The following SMC2 variants were observed in gnomAD, a reference collection of about 807,000 sequenced individuals.
The protein encoded by SMC2 is structural maintenance of chromosomes 2, also known as structural maintenance of chromosomes protein 2.
A neutral mutation model predicts 142.6 loss-of-function variants in SMC2; 41 were observed. That is an observed-to-expected ratio of 0.29 (90% confidence interval 0.22 to 0.37). The LOEUF is 0.37. Ranked by LOEUF, SMC2 falls within the 10% of genes least tolerant of loss-of-function variation. SMC2 has a pLI of 1.00. For missense variants in SMC2, 1,265 were observed against 1,373.7 expected (o/e 0.92, Z 1.25); for synonymous variants, 463 against 457.5 (o/e 1.01, Z -0.15).
chr9:104,114,170 C>A (rs1832825312), intron 12 of SMC2, 89 bp downstream of exon 12: 1 of 732,032 alleles, frequency 1.4e-6, no homozygotes, highest in Admixed American at 2.9e-5. Flanking sequence ...TTGTCGAAAC[C>A]AAGATTTTTG....
chr9:104,135,836 T>G (rs1835470741), intron 23 of SMC2: 1 of 518,608 alleles, frequency 1.9e-6, no homozygotes, highest in Non-Finnish European at 3.8e-6. Flanking sequence ...AGAAATATTC[T>G]TCAAATTGAA....
upstream of SMC2, among the ~76,000 whole-genome samples, chr9:104,089,511 G>T (rs1829961819): frequency 6.6e-6 from 1 of 151,994 alleles, no homozygotes; most frequent in Non-Finnish European, 1.5e-5. Context: ...TAAAAGAAGG[G>T]GTATGACAAA....
intron 2 of SMC2, 103 bp from the exon 3 acceptor site, chr9:104,096,045 A>C: frequency 1.0e-6 from 1 of 996,332 alleles, no homozygotes; most frequent in Non-Finnish European, 1.5e-6. Context: ...TACTTAATGG[A>C]CACTACGTTG....
intron 14 of SMC2, among the ~76,000 whole-genome samples, chr9:104,117,342 T>C (rs1833232775): frequency 6.6e-6 from 1 of 152,192 alleles, no homozygotes; most frequent in African/African-American, 2.4e-5. Context: ...AGAACAATAC[T>C]GAACATGTGT....
intron 14 of SMC2, 109 bp downstream of exon 14, chr9:104,116,428 A>G: frequency 9.6e-7 from 1 of 1,042,674 alleles, no homozygotes; most frequent in Non-Finnish European, 1.3e-6. Context: ...CACAAAATTA[A>G]AATACAAAAA....
intron 3 of SMC2, among the ~76,000 whole-genome samples, chr9:104,097,360 C>T (rs1384060305): frequency 2.0e-5 from 3 of 151,522 alleles, no homozygotes; most frequent in Non-Finnish European, 2.9e-5. Flanking sequence ...CCCGCCTTGG[C>T]CTCCCAAAGT....
At chr9:104,130,986 A>G (rs1437407338) in intron 21 of SMC2, among the ~76,000 whole-genome samples, 1 of 152,162 alleles carries the variant, frequency 6.6e-6, no homozygotes, top group East Asian at 1.9e-4. Flanking sequence ...TAAGATAAAA[A>G]TGTAGAGAGA....
intron 17 of SMC2, among the ~76,000 whole-genome samples, chr9:104,124,232 G>C (rs578009675): frequency 1.3e-5 from 2 of 152,056 alleles, no homozygotes; most frequent in Admixed American, 6.6e-5. Flanking sequence ...GACTACAGGC[G>C]TGCATCACCA....
chr9:104,126,129 G>A (rs1272665720), intron 18 of SMC2, among the ~76,000 whole-genome samples: 5 of 152,092 alleles, frequency 3.3e-5, no homozygotes, highest in Non-Finnish European at 7.4e-5. Flanking sequence ...AATCTAATGC[G>A]TGATGATCTG....
In SMC2 at chr9:104,124,862, C is replaced by A. The variant is rs7853812; in HGVS notation, c.2258-50C>A. The A allele has an allele frequency of 0.017, 24,338 of 1,422,824 alleles. 1,243 individuals carry two copies. The African/African-American group carries it at 0.18, about 11-fold the overall frequency. 88.1% of individuals were successfully genotyped at this position (1,422,824 alleles called of 1,614,324 possible). A position where few individuals can be genotyped will look rare whatever the true frequency, so the allele number is the denominator to read the frequency against. ...TTCTTCTATTAAAAGTTGAATTTGT[C>A]AACCTTTACCATTGTTAACTTAGCC... is the stretch of plus-strand genomic sequence containing the variant. On this transcript the variant is annotated intron_variant, in intron 17 of 24. Transcript: ENST00000374793.
At position 104,102,586 on chromosome 9, in the gene SMC2, A is replaced by G. The variant is rs1230462475; in HGVS notation, c.1020+13A>G. On this transcript the variant is annotated intron_variant, in intron 9 of 24. Coordinates refer to ENST00000374793, the MANE Select transcript of SMC2 (RefSeq NM_006444.3). ...AAATATGGTTGAGGTAAGTGAGCTT[A>G]ATGTGCCACTAGTGCCACTTGTAGA... 11 of 1,609,996 alleles carry G rather than the reference A, an allele frequency of 6.8e-6. No homozygotes were observed. The highest frequency in any genetic ancestry group is 9.3e-6 in the Non-Finnish European group (11 of 1,178,160).
At chr9:104,119,314 AC>A (rs1271866361) in intron 15 of SMC2, among the ~76,000 whole-genome samples, 1 of 152,056 alleles carries the variant, frequency 6.6e-6, no homozygotes, top group Non-Finnish European at 1.5e-5. Context: ...GAAATAAGTA[AC>A]CCCGTATTTT....
At chr9:104,114,913 G>A in intron 13 of SMC2, 84 bp downstream of exon 13, 2 of 1,154,094 alleles carry the variant, frequency 1.7e-6, no homozygotes, top group Admixed American at 2.5e-5. Flanking sequence ...ATACTTTGAT[G>A]TTTTAAGGCT....
chr9:104,135,044 A>C lies in SMC2; in HGVS notation c.3269+469A>C, dbSNP rs924052847. ...GTAGACACATCCTAAGAAACTGAAC[A>C]AATTTTTTGAAGGAACCAAACTGTT... On this transcript the variant is annotated intron_variant, in intron 23 of 24. Coordinates refer to ENST00000374793, the MANE Select transcript of SMC2 (RefSeq NM_006444.3). Among the ~76,000 whole-genome samples, 33 of 152,156 alleles carry C rather than the reference A, an allele frequency of 2.2e-4. 1 individual carries two copies. The highest frequency in any genetic ancestry group is 2.2e-3 in the Admixed American group (33 of 15,266).
chr9:104,106,656 G>T (rs1831824316), intron 9 of SMC2, among the ~76,000 whole-genome samples: 1 of 152,122 alleles, frequency 6.6e-6, no homozygotes, highest in Non-Finnish European at 1.5e-5. Flanking sequence ...GCCTCCCAAA[G>T]TGTTGGGATT....
chr9:104,112,937 C>T (rs1001991496), intron 10 of SMC2, among the ~76,000 whole-genome samples: 1 of 152,056 alleles, frequency 6.6e-6, no homozygotes, highest in Admixed American at 6.6e-5. Flanking sequence ...CAAATATATA[C>T]ACATACAAAT....
upstream of SMC2, among the ~76,000 whole-genome samples, chr9:104,090,054 G>A (rs1829966244): frequency 6.6e-6 from 1 of 152,176 alleles, no homozygotes; most frequent in Non-Finnish European, 1.5e-5. Context: ...GGAAGGCTCA[G>A]GAGGAGCAAA....
In SMC2 at chr9:104,127,422, A is replaced by G. The variant is rs1298081261; in HGVS notation, c.2732A>G (p.Lys911Arg). Residue 911 changes from lysine to arginine, a missense_variant, in exon 20 of 25, where the codon AAG becomes AGG. Lys to Arg is a conservative substitution (Grantham distance 26). Coordinates refer to ENST00000374793, the MANE Select transcript of SMC2 (RefSeq NM_006444.3). ...AACAATGATTCTCAGCTTAAAATTA[A>G]GGAATTAGACCACAACATCAGCAAA... ...EQNNDSQLKIKELDHNISKHK... is the reference protein window; with the variant it reads ...EQNNDSQLKIRELDHNISKHK... 1 of 1,613,774 alleles carries G rather than the reference A, an allele frequency of 6.2e-7. No homozygotes were observed. The highest frequency in any genetic ancestry group is 2.2e-5 in the East Asian group (1 of 44,854).
intron 21 of SMC2, among the ~76,000 whole-genome samples, chr9:104,130,502 T>C (rs753203971): frequency 6.6e-6 from 1 of 152,206 alleles, no homozygotes; most frequent in Non-Finnish European, 1.5e-5. Flanking sequence ...TGGAAAATTC[T>C]GTTTGAATTT....
Sources: gnomAD v4.1 joint callset for allele counts (sites outside exome capture counted in the v4.1 genomes callset) on GRCh38, gnomAD v4.1.1 for gene constraint, MANE v1.5 for transcripts, NCBI Gene and HGNC (gene_info 2026-07-23, HGNC 2026-07-21) for gene names.